KIFC3: variants seen among roughly 807,000 people sequenced by gnomAD.
KIFC3 encodes kinesin family member C3.
KIFC3 carries 60 observed loss-of-function variants against 101.8 expected under a neutral mutation model. That is an observed-to-expected ratio of 0.59 (90% CI 0.48 to 0.73). KIFC3 has a LOEUF of 0.73. Among genes scored for constraint, KIFC3 ranks in the 30% least tolerant of loss-of-function variants. KIFC3 has a pLI of 0.00. For missense variants in KIFC3, 966 were observed against 1,137.1 expected, an observed-to-expected ratio of 0.85 and a Z score of 2.16; for synonymous variants, 476 against 482.7, an observed-to-expected ratio of 0.99 and a Z score of 0.18.
chr16:57,847,203 GA>G lies in KIFC3; in HGVS notation c.108+15525del, dbSNP rs2055938797. On this transcript the variant is annotated intron_variant, in intron 1 of 2. Transcript: ENST00000563028. ...TCTGTGAAGGAAGGAGGGAAGGAAGGAAGGAAGGAAGGAAGGAAGGAAGGAA... is the reference window on the plus strand; with the variant it reads ...TCTGTGAAGGAAGGAGGGAAGGAAGGAGGAAGGAAGGAAGGAAGGAAGGAA... Among the ~76,000 whole-genome samples, 148 of 38,430 alleles carry G rather than the reference GA, an allele frequency of 3.9e-3. 1 individual carries two copies. The highest frequency in any genetic ancestry group is 0.033 in the Middle Eastern group (4 of 122). 25.2% of individuals were successfully genotyped at this position (38,430 alleles called of 152,430 possible).
At chr16:57,845,635 T>A (rs952812323) in intron 1 of KIFC3, among the ~76,000 whole-genome samples, 11 of 152,130 alleles carry the variant, frequency 7.2e-5, no homozygotes, top group African/African-American at 2.7e-4. Flanking sequence ...AGGCAGGTGT[T>A]CCTCAAGGAG....
At chr16:57,830,801 T>C (rs1191224786) in intron 1 of KIFC3, among the ~76,000 whole-genome samples, 2 of 152,170 alleles carry the variant, frequency 1.3e-5, no homozygotes, top group Non-Finnish European at 2.9e-5. Flanking sequence ...AACAAAATCA[T>C]TGATGCCAAC....
intron 1 of KIFC3, among the ~76,000 whole-genome samples, chr16:57,844,651 C>T (rs1450137284): frequency 1.3e-5 from 2 of 152,068 alleles, no homozygotes; most frequent in Non-Finnish European, 2.9e-5. Context: ...GTCCCACTCT[C>T]CCCACCGCCC....
chr16:57,828,808 C>G (rs2149290214), intron 1 of KIFC3, among the ~76,000 whole-genome samples: 1 of 152,292 alleles, frequency 6.6e-6, no homozygotes, highest in Non-Finnish European at 1.5e-5. Flanking sequence ...CAGCCCCCTC[C>G]ACGCACAAGC....
chr16:57,848,282 T>C (rs2055979268), intron 1 of KIFC3, among the ~76,000 whole-genome samples: 1 of 151,780 alleles, frequency 6.6e-6, no homozygotes, highest in Admixed American at 6.6e-5. Context: ...AAACAGAGAG[T>C]GGTTTAACTG....
intron 1 of KIFC3, among the ~76,000 whole-genome samples, chr16:57,823,943 G>A (rs1212696831): frequency 1.3e-5 from 2 of 152,116 alleles, no homozygotes; most frequent in African/African-American, 4.8e-5. Flanking sequence ...ACTAATACTT[G>A]AGGAATCTAT....
intron 3 of KIFC3, chr16:57,776,545 G>A: frequency 3.1e-6 from 1 of 324,736 alleles, no homozygotes; most frequent in Non-Finnish European, 4.4e-6. Context: ...TTCCTTATTT[G>A]TATAATGAGG....
intron 3 of KIFC3, among the ~76,000 whole-genome samples, chr16:57,777,335 T>A (rs976160835): frequency 6.6e-6 from 1 of 152,114 alleles, no homozygotes; most frequent in Non-Finnish European, 1.5e-5. Flanking sequence ...TCTAAAGAAA[T>A]AGAAAAATCC....
intron 3 of KIFC3, chr16:57,776,269 G>C: frequency 1.0e-6 from 1 of 985,494 alleles, no homozygotes; most frequent in Non-Finnish European, 1.2e-6. Flanking sequence ...GAGGCCAGCG[G>C]GGCGGCCCTG....
intron 3 of KIFC3, among the ~76,000 whole-genome samples, chr16:57,778,625 A>G (rs797026297): frequency 6.6e-6 from 1 of 152,228 alleles, no homozygotes; most frequent in African/African-American, 2.4e-5. Flanking sequence ...TTGAATAGCA[A>G]TTTCTCCAGA....
At chr16:57,817,086 T>A (rs1332737940) in intron 1 of KIFC3, 1 of 279,648 alleles carries the variant, frequency 3.6e-6, no homozygotes, top group East Asian at 1.0e-4. Flanking sequence ...CGGCCAGGCG[T>A]GGTGGCTCAC....
intron 1 of KIFC3, chr16:57,830,412 T>C (rs1555479096): frequency 6.6e-6 from 1 of 151,550 alleles, no homozygotes; most frequent in Non-Finnish European, 1.5e-5. Flanking sequence ...TAATTTTTTG[T>C]ATTTTTAGTA....
intron 1 of KIFC3, among the ~76,000 whole-genome samples, chr16:57,853,081 T>C (rs1339305491): frequency 1.3e-5 from 2 of 152,070 alleles, no homozygotes; most frequent in Non-Finnish European, 2.9e-5. Context: ...ATAAGAAATA[T>C]AATCAAAACC....
intron 3 of KIFC3, chr16:57,774,939 C>T: frequency 6.7e-7 from 1 of 1,490,724 alleles, no homozygotes. Context: ...CCTCCCTCCC[C>T]AGAAAGGCTG....
Position 57,828,681 on chromosome 16 carries a change from T to C in KIFC3, c.109-30399A>G, listed in dbSNP as rs1023928837. Among the ~76,000 whole-genome samples, 4 of 152,310 alleles carry C rather than the reference T, an allele frequency of 2.6e-5. No homozygotes were observed. The South Asian group carries it at 8.3e-4, about 32-fold the overall frequency. On this transcript the variant is annotated intron_variant, in intron 1 of 2. Coordinates refer to the KIFC3 transcript ENST00000563028. ...TTCAGGCCCTAATGCTTTATGATGC[T>C]GGAGCAGGAAGCAGGGCTGACAGCA...
At chr16:57,795,207 C>T in intron 2 of KIFC3, 66 bp from the exon 3 acceptor site, 1 of 1,567,066 alleles carries the variant, frequency 6.4e-7, no homozygotes, top group Non-Finnish European at 8.7e-7. Flanking sequence ...AGCCATGGAC[C>T]ACTGGCCAGG....
upstream of KIFC3, chr16:57,807,619 G>A (rs782234136): frequency 1.6e-4 from 24 of 152,156 alleles, no homozygotes; most frequent in African/African-American, 3.9e-4. Flanking sequence ...TATTAACAGG[G>A]GAAAACAGTT....
At chr16:57,766,840 G>T in intron 10 of KIFC3, 34 bp downstream of exon 10, 1 of 1,532,822 alleles carries the variant, frequency 6.5e-7, no homozygotes, top group Non-Finnish European at 8.9e-7. Flanking sequence ...AGGACCCCGA[G>T]GCCAGCGCCC....
intron 1 of KIFC3, among the ~76,000 whole-genome samples, chr16:57,830,347 C>T (rs182802824): frequency 6.7e-6 from 1 of 150,182 alleles, no homozygotes; most frequent in Non-Finnish European, 1.5e-5. Flanking sequence ...CAGCAATTCT[C>T]CTGCCTCAGC....
Sources: allele counts gnomAD v4.1 joint callset (sites outside exome capture counted in the v4.1 genomes callset), GRCh38; gene constraint gnomAD v4.1.1; transcripts MANE v1.5; gene names NCBI Gene and HGNC (gene_info 2026-07-23, HGNC 2026-07-21).